Variants in NSMF observed in about 807,000 individuals in gnomAD.
NSMF encodes NMDA receptor synaptonuclear signaling and neuronal migration factor.
A neutral mutation model predicts 71.0 loss-of-function variants in NSMF; 31 were observed. The observed-to-expected ratio is 0.44, with a 90% CI of 0.33 to 0.59. The LOEUF is 0.59. Among genes scored for constraint, NSMF ranks in the 20% least tolerant of loss-of-function variants. The pLI is 0.04. For missense variants in NSMF, 673 were observed against 740.5 expected, an observed-to-expected ratio of 0.91 and a Z score of 1.06; for synonymous variants, 345 against 287.1, an observed-to-expected ratio of 1.20 and a Z score of -2.04.
rs375731526 is a variant in NSMF, at chr9:137,453,013, C to A, written c.1047+43G>T. The A allele has an allele frequency of 9.9e-6, 16 of 1,610,200 alleles. No homozygotes were observed. In the African/African-American group the frequency reaches 1.9e-4, roughly 19 times the overall value. ...GGCTGGACTCGGGTTGGGGCGGAGT[C>A]CTGCTCGGGGTGTAGAGGAGCACTG... On this transcript the variant is annotated intron_variant, in intron 9 of 15. Transcript: ENST00000371475. This position sits in a 1 kb window ranked among gnomAD's most constrained non-coding sequence, Gnocchi z 4.5.
rs758638334 is a variant in NSMF, at chr9:137,453,203, G to C, written c.923-23C>G. ...TGCCTGGGAAGCAAGAGGGTCACCA[G>C]GACAGCAGGCCCGGCAGCACCTCCT... On this transcript the variant is annotated intron_variant, in intron 8 of 15. Coordinates refer to ENST00000371475, the MANE Select transcript of NSMF (RefSeq NM_001130969.3). This position sits in a 1 kb window ranked among gnomAD's most constrained non-coding sequence, Gnocchi z 4.5. 6.2e-7 allele frequency: 1 copy of C among 1,611,970 alleles called. No individual in the cohort carries two copies. Among genetic ancestry groups the C allele is most frequent in the South Asian group, 1.1e-5 (1 of 91,076 alleles).
chr9:137,458,284 G>A (rs924916025), intron 2 of NSMF, among the ~76,000 whole-genome samples: 1 of 152,204 alleles, frequency 6.6e-6, no homozygotes, highest in African/African-American at 2.4e-5. Flanking sequence ...CGGCCCAGGC[G>A]GGGTGGGTGC....
rs1588502015 is a variant in NSMF, at chr9:137,453,675, T to G, written c.922+56A>C. 1 of 1,383,844 alleles carries G rather than the reference T, an allele frequency of 7.2e-7. No homozygotes were observed. Among genetic ancestry groups the G allele is most frequent in the Non-Finnish European group, 9.9e-7 (1 of 1,007,204 alleles). 85.7% of individuals were successfully genotyped at this position (1,383,844 alleles called of 1,614,324 possible). On this transcript the variant is annotated intron_variant, in intron 8 of 15. Transcript: ENST00000371475. The surrounding 1 kb of genome is among the most constrained non-coding windows in gnomAD (Gnocchi z 4.5). ...CCTGGCAGGGGACCCCCAGCAGGGG[T>G]CTGGGGTCTAGGGGAGGCTCTGGGG... is the stretch of plus-strand genomic sequence containing the variant.
chr9:137,457,665 C>G lies in NSMF; in HGVS notation c.370G>C (p.Val124Leu). The G allele has an allele frequency of 6.5e-7, 1 of 1,550,370 alleles. No individual in the cohort carries two copies. Among genetic ancestry groups the G allele is most frequent in the Middle Eastern group, 1.7e-4 (1 of 5,886 alleles). ...GGGTGCCGCTGCCGCCGCCCCTTCACCACCGCCAGCTCAATGGCCTCCGCC... is the reference window on the plus strand; with the variant it reads ...GGGTGCCGCTGCCGCCGCCCCTTCAGCACCGCCAGCTCAATGGCCTCCGCC... ...PEAEAIELAVVKGRRQRHPHH... is the reference protein window; with the variant it reads ...PEAEAIELAVLKGRRQRHPHH... Residue 124 changes from valine (V) to leucine (L), a missense_variant, in exon 3 of 16, where the codon GTG (valine) becomes CTG (leucine). Transcript: ENST00000371475.
rs977110325 is a variant in NSMF, at chr9:137,453,662, C to A, written c.922+69G>T. On this transcript the variant is annotated intron_variant, in intron 8 of 15. Coordinates refer to ENST00000371475, the MANE Select transcript of NSMF (RefSeq NM_001130969.3). The surrounding 1 kb of genome is among the most constrained non-coding windows in gnomAD (Gnocchi z 4.5). The stretch of plus-strand genomic sequence containing the variant: ...GCAGCCCAGCGGCCCTGGCAGGGGA[C>A]CCCCAGCAGGGGTCTGGGGTCTAGG... 6 of 1,262,430 alleles carry A rather than the reference C, an allele frequency of 4.8e-6. No homozygotes were observed. Among genetic ancestry groups the A allele is most frequent in the Non-Finnish European group, 6.6e-6 (6 of 915,078 alleles). The allele number at this position is 1,262,430 out of a possible 1,614,324, so 78.2% of individuals were successfully genotyped here.
chr9:137,455,165 G>C (rs1434355850), intron 6 of NSMF, 74 bp downstream of exon 6: 5 of 1,525,180 alleles, frequency 3.3e-6, no homozygotes, highest in African/African-American at 1.4e-5. Context: ...AGGTCTGCCA[G>C]GGCCGAGGGG....
chr9:137,458,387 G>A (rs1830971036), intron 2 of NSMF, 101 bp downstream of exon 2: 11 of 1,089,562 alleles, frequency 1.0e-5, no homozygotes, highest in South Asian at 8.0e-5. Flanking sequence ...CCGGGCCCAC[G>A]CGCAACCAAT....
At chr9:137,449,875 C>T (rs1839828773) in intron 14 of NSMF, 48 bp downstream of exon 14, 11 of 1,502,012 alleles carry the variant, frequency 7.3e-6, no homozygotes, top group African/African-American at 1.4e-5. Context: ...TGTCTGTCCA[C>T]GTCGGGGGTT....
rs1839777212 is a variant in NSMF at position 137,449,317 on chromosome 9, G to T, written c.*77C>A. ...GAGACCGGAGCCACACAGTCCCGGGGAGCACGAGGCGGCCCAGCCCCAGGT... is the reference window on the plus strand; with the variant it reads ...GAGACCGGAGCCACACAGTCCCGGGTAGCACGAGGCGGCCCAGCCCCAGGT... On this transcript the variant is annotated 3_prime_UTR_variant, in exon 16 of 16. Coordinates refer to ENST00000371475, the MANE Select transcript of NSMF (RefSeq NM_001130969.3). The T allele has an allele frequency of 1.6e-6, 2 of 1,238,198 alleles. No individual in the cohort carries two copies. The highest frequency in any genetic ancestry group is 2.4e-5 in the East Asian group (1 of 41,100). 76.7% of individuals were successfully genotyped at this position (1,238,198 alleles called of 1,614,324 possible).
chr9:137,453,225 T>C lies in NSMF; in HGVS notation c.923-45A>G, dbSNP rs1413994913. 4 of 1,609,056 alleles carry C rather than the reference T, an allele frequency of 2.5e-6. No individual in the cohort carries two copies. The highest frequency in any genetic ancestry group is 3.4e-6 in the Non-Finnish European group (4 of 1,179,348). On this transcript the variant is annotated intron_variant, in intron 8 of 15. Transcript: ENST00000371475. This position sits in a 1 kb window ranked among gnomAD's most constrained non-coding sequence, Gnocchi z 4.5. Reference sequence around the variant, plus strand: ...CCAGGACAGCAGGCCCGGCAGCACCTCCTATCCTGGCCATGGCCCCAAGGC... The same window carrying C: ...CCAGGACAGCAGGCCCGGCAGCACCCCCTATCCTGGCCATGGCCCCAAGGC...
At position 137,453,047 on chromosome 9, in the gene NSMF, G is replaced by A. The variant is rs1288547154; in HGVS notation, c.1047+9C>T. 7.4e-6 allele frequency: 12 copies of A among 1,612,122 alleles called. No homozygotes were observed. The highest frequency in any genetic ancestry group is 1.7e-5 in the Admixed American group (1 of 60,006). ...GGTGTAGAGGAGCACTGCCCGGGCT[G>A]GGCCTCACCATGACCTTTGGTGGCA... On this transcript the variant is annotated intron_variant, in intron 9 of 15. Transcript: ENST00000371475. This position sits in a 1 kb window ranked among gnomAD's most constrained non-coding sequence, Gnocchi z 4.5.
rs1334390057 is a variant in NSMF at position 137,449,384 on chromosome 9, C to T, written c.*10G>A. ...TGGCCTGATGGTGACTGGGCGGAGGCCTCTGCCCCTCACAGGACGTCGTCA... is the reference window on the plus strand; with the variant it reads ...TGGCCTGATGGTGACTGGGCGGAGGTCTCTGCCCCTCACAGGACGTCGTCA... On this transcript the variant is annotated 3_prime_UTR_variant, in exon 16 of 16. Transcript: ENST00000371475. 2.5e-6 allele frequency: 4 copies of T among 1,610,034 alleles called. No individual in the cohort carries two copies. The highest frequency in any genetic ancestry group is 3.4e-6 in the Non-Finnish European group (4 of 1,177,576).
chr9:137,452,401 C>G lies in NSMF; in HGVS notation c.1200G>C (p.Lys400Asn). The G allele has an allele frequency of 6.2e-7, 1 of 1,612,626 alleles. No homozygotes were observed. Among genetic ancestry groups the G allele is most frequent in the Non-Finnish European group, 8.5e-7 (1 of 1,179,896 alleles). Reference protein sequence around the residue: ...EIERKLNVYHKGAKIWKMLIF... With the variant: ...EIERKLNVYHNGAKIWKMLIF... ...TCAGCATTTTCCAGATCTTGGCTCC[C>G]TTGTGGTAGACGTTCAGCTTCCTCT... The change falls in exon 12 of 16, where the codon AAG becomes AAC. Residue 400 changes from lysine (K) to asparagine (N), a missense_variant. Around this residue, in one of 2 missense-constraint regions of NSMF, gnomAD observed 202 missense variants for 280.8 expected, o/e 0.72. Coordinates refer to ENST00000371475, the MANE Select transcript of NSMF (RefSeq NM_001130969.3).
In NSMF at chr9:137,452,597, A is replaced by C. The variant is rs1156421249; in HGVS notation, c.1132-11T>G. On this transcript the variant is annotated splice_polypyrimidine_tract_variant and intron_variant, in intron 10 of 15. Transcript: ENST00000371475. ...TGCGTGCTCATGGTCCTGGGGACAG[A>C]CACAGGCCACAAGGCCACATCAAGG... 1 of 1,612,508 alleles carries C rather than the reference A, an allele frequency of 6.2e-7. No individual in the cohort carries two copies. Among genetic ancestry groups the C allele is most frequent in the Non-Finnish European group, 8.5e-7 (1 of 1,179,828 alleles).
chr9:137,455,691 C>T lies in NSMF; in HGVS notation c.705-57G>A, dbSNP rs1471396261. On this transcript the variant is annotated intron_variant, in intron 4 of 15. Transcript: ENST00000371475. ...AGAGAAGACACAGTGAGCTCAACCCCGGGCCTCCCCTCAGCCCCCACCCGG... is the reference window on the plus strand; with the variant it reads ...AGAGAAGACACAGTGAGCTCAACCCTGGGCCTCCCCTCAGCCCCCACCCGG... The T allele has an allele frequency of 1.5e-5, 23 of 1,546,782 alleles. No homozygotes were observed. The Admixed American group carries it at 2.0e-4, about 13-fold the overall frequency.
Position 137,450,447 on chromosome 9 carries a change from C to G in NSMF, c.1237-192G>C, listed in dbSNP as rs528874315. ...CGCCTCTTCCCTTTGATCTCCCCCC[C>G]ACGCCTCTTCCCCTTGATCTCCCCC... On this transcript the variant is annotated intron_variant, in intron 12 of 15. Coordinates refer to ENST00000371475, the MANE Select transcript of NSMF (RefSeq NM_001130969.3). Among the ~76,000 whole-genome samples the G allele has an allele frequency of 8.5e-5, 9 of 105,340 alleles. No homozygotes were observed. In the East Asian group the frequency reaches 2.5e-3, roughly 29 times the overall value. The allele number at this position is 105,340 out of a possible 152,430, so 69.1% of individuals were successfully genotyped here. A position where few individuals can be genotyped will look rare whatever the true frequency, so the allele number is the denominator to read the frequency against.
rs767282685 is a variant in NSMF, at chr9:137,448,887, C to T, written c.*507G>A. On this transcript the variant is annotated 3_prime_UTR_variant, in exon 16 of 16. Transcript: ENST00000371475. This position sits in a 1 kb window ranked among gnomAD's most constrained non-coding sequence, Gnocchi z 5.3. ...GGGCAGCCCGGCGACGCTGGCCCCA[C>T]GCACACGGGCCACCCTGGTGCTGGT... 8 of 239,618 alleles carry T rather than the reference C, an allele frequency of 3.3e-5. No homozygotes were observed. The highest frequency in any genetic ancestry group is 5.0e-5 in the Non-Finnish European group (6 of 119,868). 14.8% of individuals were successfully genotyped at this position (239,618 alleles called of 1,614,324 possible).
At chr9:137,454,683 G>C (rs1295189788) in intron 6 of NSMF, 23 of 1,523,736 alleles carry the variant, frequency 1.5e-5, no homozygotes, top group Non-Finnish European at 2.0e-5. Flanking sequence ...TGGCGCTCTG[G>C]ATCAAGTCTC....
Position 137,454,444 on chromosome 9 carries a change from C to T in NSMF, c.780-1G>A. ...CATGCGCAGGTGTTTGCGGAAGTTC[C>T]TGGGGGAGGAAGCCAGGGGCTGAAG... is the stretch of plus-strand genomic sequence containing the variant. On this transcript the variant is annotated splice_acceptor_variant, in intron 6 of 15. Coordinates refer to ENST00000371475, the MANE Select transcript of NSMF (RefSeq NM_001130969.3). LOFTEE classifies it high-confidence loss of function. 6.5e-7 allele frequency: 1 copy of T among 1,550,254 alleles called. No individual in the cohort carries two copies. The highest frequency in any genetic ancestry group is 8.7e-7 in the Non-Finnish European group (1 of 1,146,852).
Sources: gnomAD v4.1 joint callset for allele counts (sites outside exome capture counted in the v4.1 genomes callset) on GRCh38, gnomAD v4.1.1 for gene constraint, gnomAD v4.1.1 regional missense constraint, Gnocchi (gnomAD v3.1) non-coding constraint, MANE v1.5 for transcripts, NCBI Gene and HGNC (gene_info 2026-07-23, HGNC 2026-07-21) for gene names.